Variants in TNR observed in about 807,000 individuals in gnomAD.
The protein encoded by TNR is tenascin R.
Under a neutral mutation model 150.4 loss-of-function variants are expected in TNR, and 45 were observed. That is an observed-to-expected ratio of 0.30 (90% confidence interval 0.24 to 0.38). The LOEUF (loss-of-function observed/expected upper bound fraction) is 0.38, where lower values mean the gene tolerates loss of function less well. Ranked by LOEUF, TNR falls within the 10% of genes least tolerant of loss-of-function variation. TNR has a pLI of 1.00. For missense variants in TNR, 1,544 were observed against 1,759.1 expected (o/e 0.88, Z 2.19); for synonymous variants, 687 against 678.4 (o/e 1.01, Z -0.20).
intron 1 of TNR, among the ~76,000 whole-genome samples, chr1:175,729,089 G>A (rs181494539): frequency 4.6e-5 from 7 of 152,268 alleles, no homozygotes; most frequent in Non-Finnish European, 8.8e-5. Flanking sequence ...TTCCTTTCCT[G>A]AGGCCCTCAT....
intron 1 of TNR, among the ~76,000 whole-genome samples, chr1:175,663,138 T>C (rs77689733): frequency 0.037 from 5,606 of 152,244 alleles, 137 homozygotes; most frequent in Non-Finnish European, 0.063. Context: ...CAAGGAACCA[T>C]TAGAATCCAG....
chr1:175,495,136 C>A (rs999266588), intron 2 of TNR, among the ~76,000 whole-genome samples: 3 of 152,108 alleles, frequency 2.0e-5, no homozygotes, highest in African/African-American at 7.2e-5. Context: ...CTGGGCCAGG[C>A]AAGTGTGAAG....
chr1:175,472,401 G>A (rs1304058092), intron 2 of TNR, among the ~76,000 whole-genome samples: 1 of 152,118 alleles, frequency 6.6e-6, no homozygotes, highest in Non-Finnish European at 1.5e-5. Context: ...AAAAAGTGTA[G>A]CATAGTAAAT....
rs530893280 is a variant in TNR, at chr1:175,599,267, G to T, written c.-164-70898C>A. On this transcript the variant is annotated intron_variant, in intron 1 of 22. Coordinates refer to ENST00000367674, the MANE Select transcript of TNR (RefSeq NM_003285.3). This position sits in a 1 kb window ranked among gnomAD's most constrained non-coding sequence, Gnocchi z 4.7. ...GGGTCACCGCTCCTCCCTTTCAGGC[G>T]CCCGGGTTTGCCCACCGCGAAGAGC... is the stretch of plus-strand genomic sequence containing the variant. Among the ~76,000 whole-genome samples, 39 of 152,328 alleles carry T rather than the reference G, an allele frequency of 2.6e-4. 1 individual carries two copies. Among genetic ancestry groups the T allele is most frequent in the Non-Finnish European group, 2.8e-4 (19 of 68,030 alleles).
At chr1:175,637,493 A>C (rs1285911143) in intron 1 of TNR, among the ~76,000 whole-genome samples, 1 of 152,190 alleles carries the variant, frequency 6.6e-6, no homozygotes, top group African/African-American at 2.4e-5. Flanking sequence ...CCTATGGTTG[A>C]GGGGAGATAG....
chr1:175,615,920 G>T (rs541735756), intron 1 of TNR, among the ~76,000 whole-genome samples: 36 of 152,192 alleles, frequency 2.4e-4, no homozygotes, highest in Non-Finnish European at 4.7e-4. Context: ...ATTTAATGAC[G>T]TTCCATGCTC....
At chr1:175,382,672 C>T (rs574690146) in intron 8 of TNR, among the ~76,000 whole-genome samples, 67 of 152,226 alleles carry the variant, frequency 4.4e-4, no homozygotes, top group Admixed American at 6.5e-4. Flanking sequence ...GAGGCCGAGG[C>T]GGGCAGATCA....
intron 1 of TNR, among the ~76,000 whole-genome samples, chr1:175,545,596 G>A (rs910470768): frequency 1.3e-5 from 2 of 152,096 alleles, no homozygotes; most frequent in African/African-American, 2.4e-5. Context: ...AATAATGATA[G>A]CAAACACATA....
chr1:175,549,206 T>C (rs184013571), intron 1 of TNR, among the ~76,000 whole-genome samples: 17 of 152,354 alleles, frequency 1.1e-4, no homozygotes, highest in African/African-American at 3.4e-4. Context: ...TTTACTCATT[T>C]GGGTGAGAGA....
intron 1 of TNR, among the ~76,000 whole-genome samples, chr1:175,573,223 G>A (rs1327109400): frequency 6.6e-6 from 1 of 152,186 alleles, no homozygotes; most frequent in Non-Finnish European, 1.5e-5. Context: ...TTTGATTAAG[G>A]AAGAAATAAA....
At chr1:175,380,047 C>T (rs1442281445) in intron 8 of TNR, among the ~76,000 whole-genome samples, 1 of 152,128 alleles carries the variant, frequency 6.6e-6, no homozygotes, top group Non-Finnish European at 1.5e-5. Context: ...AAAAACAAAA[C>T]AAGGGAAACC....
chr1:175,326,999 C>G (rs1399463063), intron 21 of TNR, among the ~76,000 whole-genome samples: 2 of 151,998 alleles, frequency 1.3e-5, no homozygotes, highest in Non-Finnish European at 2.9e-5. Flanking sequence ...CACCTCCTCT[C>G]ACCTTAAGTT....
rs374259397 is a variant in TNR, at chr1:175,584,623, A to G, written c.-164-56254T>C. Among the ~76,000 whole-genome samples, 6 of 152,358 alleles carry G rather than the reference A, an allele frequency of 3.9e-5. No individual in the cohort carries two copies. The South Asian group carries it at 1.2e-3, about 32-fold the overall frequency. ...ATTCTAAAACACTGAAAATTATAAC[A>G]ATAAATACTCGCTATTTGATGCTTA... On this transcript the variant is annotated intron_variant, in intron 1 of 22. Coordinates refer to ENST00000367674, the MANE Select transcript of TNR (RefSeq NM_003285.3).
At chr1:175,455,762 A>G (rs574027205) in intron 2 of TNR, among the ~76,000 whole-genome samples, 1 of 152,082 alleles carries the variant, frequency 6.6e-6, no homozygotes, top group South Asian at 2.1e-4. Flanking sequence ...TAGTTTCTCT[A>G]CTCCCACCTG....
intron 5 of TNR, among the ~76,000 whole-genome samples, chr1:175,395,104 A>G (rs1388189819): frequency 6.6e-6 from 1 of 152,130 alleles, no homozygotes; most frequent in Non-Finnish European, 1.5e-5. Context: ...TTATAGGCAT[A>G]TTAACAGAGT....
intron 2 of TNR, among the ~76,000 whole-genome samples, chr1:175,417,080 C>CGAAA (rs1654529441): frequency 1.8e-5 from 1 of 57,090 alleles, no homozygotes; most frequent in Non-Finnish European, 3.9e-5. Flanking sequence ...AGAAAGAAAT[C>CGAAA]TAAGAAGTGG....
chr1:175,460,034 C>G (rs903283627), intron 2 of TNR, among the ~76,000 whole-genome samples: 1 of 152,148 alleles, frequency 6.6e-6, no homozygotes, highest in Non-Finnish European at 1.5e-5. Flanking sequence ...CAGACGGTGA[C>G]TGACTGGTGC....
chr1:175,496,474 G>A (rs1246145589), intron 2 of TNR, among the ~76,000 whole-genome samples: 3 of 152,186 alleles, frequency 2.0e-5, no homozygotes, highest in Non-Finnish European at 4.4e-5. Context: ...ATATGCAGAA[G>A]CATCTCTGGC....
At chr1:175,415,113 A>G (rs866833709) in intron 2 of TNR, among the ~76,000 whole-genome samples, 6 of 148,178 alleles carry the variant, frequency 4.0e-5, no homozygotes, top group South Asian at 2.1e-4. Context: ...AACCAGAACT[A>G]TATCTGTGGA....
Sources: allele counts gnomAD v4.1 joint callset (sites outside exome capture counted in the v4.1 genomes callset), GRCh38; gene constraint gnomAD v4.1.1; non-coding constraint Gnocchi (gnomAD v3.1); transcripts MANE v1.5; gene names NCBI Gene and HGNC (gene_info 2026-07-23, HGNC 2026-07-21).